Variants in PLA2G4A observed in about 807,000 individuals in gnomAD.
PLA2G4A encodes cytosolic phospholipase A2.
A neutral mutation model predicts 81.9 loss-of-function variants in PLA2G4A; 40 were observed. The ratio of observed to expected loss-of-function variants is 0.49; its 90% CI spans 0.38 to 0.64. The LOEUF (loss-of-function observed/expected upper bound fraction) is 0.64. PLA2G4A is among the 30% of genes least tolerant of loss of function. The probability of loss-of-function intolerance (pLI) is 0.00; values close to 1 mark genes in which losing one functional copy is unlikely to be tolerated. For missense variants in PLA2G4A, 715 were observed against 905.1 expected, an observed-to-expected ratio of 0.79 and a Z score of 2.69; for synonymous variants, 302 against 296.9, an observed-to-expected ratio of 1.02 and a Z score of -0.18.
chr1:186,837,716 G>C (rs1292637550), intron 1 of PLA2G4A, among the ~76,000 whole-genome samples: 1 of 116,262 alleles, frequency 8.6e-6, no homozygotes. Context: ...CAGCCTGGGC[G>C]ACAGAGAGAG....
Position 186,893,003 on chromosome 1 carries a change from A to G in PLA2G4A, c.116-8A>G. ...TACCTCCTTCTTGTTTGTGTTTACT[A>G]TCTGTAGTTGATACTCCAGATCCCT... is the stretch of plus-strand genomic sequence containing the variant. On this transcript the variant is annotated splice_region_variant and splice_polypyrimidine_tract_variant and intron_variant, in intron 3 of 17. Coordinates refer to ENST00000367466, the MANE Select transcript of PLA2G4A (RefSeq NM_024420.3). 6.2e-7 allele frequency: 1 copy of G among 1,600,852 alleles called. No homozygotes were observed. Among genetic ancestry groups the G allele is most frequent in the Non-Finnish European group, 8.6e-7 (1 of 1,167,952 alleles).
At chr1:186,885,464 A>G (rs1420918614) in intron 3 of PLA2G4A, among the ~76,000 whole-genome samples, 1 of 152,186 alleles carries the variant, frequency 6.6e-6, no homozygotes, top group Non-Finnish European at 1.5e-5. Flanking sequence ...TCTGCCTGCC[A>G]GAGAATAAAG....
chr1:186,837,200 T>C (rs999735140), intron 1 of PLA2G4A, among the ~76,000 whole-genome samples: 1 of 152,120 alleles, frequency 6.6e-6, no homozygotes, highest in Non-Finnish European at 1.5e-5. Flanking sequence ...TGATCTTGAT[T>C]AGTGCAGGTT....
chr1:186,842,681 G>A (rs1652031484), intron 1 of PLA2G4A, among the ~76,000 whole-genome samples: 1 of 152,202 alleles, frequency 6.6e-6, no homozygotes. Flanking sequence ...AGGGGAAAGA[G>A]CATGTGAGGA....
At chr1:186,881,826 T>A (rs1211610930) in intron 3 of PLA2G4A, among the ~76,000 whole-genome samples, 1 of 152,054 alleles carries the variant, frequency 6.6e-6, no homozygotes, top group Admixed American at 6.6e-5. Flanking sequence ...AAAGGTGACC[T>A]GTTCCACAGT....
intron 3 of PLA2G4A, among the ~76,000 whole-genome samples, chr1:186,879,399 T>C (rs1216287098): frequency 6.6e-6 from 1 of 152,018 alleles, no homozygotes; most frequent in African/African-American, 2.4e-5. Context: ...AGTACTTATT[T>C]AGTACCTTGA....
chr1:186,923,503 T>C (rs1655437978), intron 7 of PLA2G4A, among the ~76,000 whole-genome samples: 1 of 152,256 alleles, frequency 6.6e-6, no homozygotes, highest in Admixed American at 6.5e-5. Flanking sequence ...CTGAGATGGC[T>C]AGCCCTGAGG....
intron 3 of PLA2G4A, among the ~76,000 whole-genome samples, chr1:186,876,827 C>G (rs2102070758): frequency 6.6e-6 from 1 of 152,170 alleles, no homozygotes; most frequent in Non-Finnish European, 1.5e-5. Context: ...AAAGAAAACC[C>G]AAATGCATAA....
intron 15 of PLA2G4A, among the ~76,000 whole-genome samples, chr1:186,966,765 T>C (rs1025277202): frequency 2.6e-5 from 4 of 152,198 alleles, no homozygotes; most frequent in Non-Finnish European, 5.9e-5. Flanking sequence ...CATATATGGT[T>C]AAAGTGCATA....
chr1:186,909,811 G>A (rs1302687198), intron 6 of PLA2G4A, among the ~76,000 whole-genome samples: 7 of 151,712 alleles, frequency 4.6e-5, no homozygotes, highest in African/African-American at 1.7e-4. Context: ...AAAGTTTTTG[G>A]TTACTTCCCT....
intron 13 of PLA2G4A, among the ~76,000 whole-genome samples, chr1:186,955,864 G>T (rs1345690493): frequency 6.7e-6 from 1 of 149,684 alleles, no homozygotes; most frequent in Non-Finnish European, 1.5e-5. Flanking sequence ...CTCCCGAGTA[G>T]CTGGGACTAG....
Position 186,950,746 on chromosome 1 carries a change from T to A in PLA2G4A, c.1336+18T>A, listed in dbSNP as rs1280174275. ...ACCCAAAGGTGAGTGAGCCGGAAACTTTTCTGGCCCAGATCCATGAGGAAA... is the reference window on the plus strand; with the variant it reads ...ACCCAAAGGTGAGTGAGCCGGAAACATTTCTGGCCCAGATCCATGAGGAAA... On this transcript the variant is annotated intron_variant, in intron 13 of 17. Transcript: ENST00000367466. 6.9e-7 allele frequency: 1 copy of A among 1,439,296 alleles called. No homozygotes were observed. The highest frequency in any genetic ancestry group is 9.8e-7 in the Non-Finnish European group (1 of 1,020,790). The allele number at this position is 1,439,296 out of a possible 1,614,324, so 89.2% of individuals were successfully genotyped here. A position where few individuals can be genotyped will look rare whatever the true frequency, so the allele number is the denominator to read the frequency against.
In PLA2G4A at chr1:186,848,779, G is replaced by T. The variant is rs147076090; in HGVS notation, c.-69-5507G>T. On this transcript the variant is annotated intron_variant, in intron 1 of 17. Coordinates refer to ENST00000367466, the MANE Select transcript of PLA2G4A (RefSeq NM_024420.3). ...TACATACACACAGAAAGGGGGCAGAGAAGGGAGAGAGAGAAACTAGACTTG... is the reference window on the plus strand; with the variant it reads ...TACATACACACAGAAAGGGGGCAGATAAGGGAGAGAGAGAAACTAGACTTG... Among the ~76,000 whole-genome samples, 827 of 151,968 alleles carry T rather than the reference G, an allele frequency of 5.4e-3. 13 individuals are homozygous for T. Among genetic ancestry groups the T allele is most frequent in the African/African-American group, 0.019 (795 of 41,498 alleles).
rs188787976 is a variant in PLA2G4A, at chr1:186,987,692, T to C, written c.2119-685T>C. Among the ~76,000 whole-genome samples the C allele has an allele frequency of 2.6e-5, 4 of 152,352 alleles. No homozygotes were observed. In the East Asian group the frequency reaches 7.7e-4, roughly 29 times the overall value. ...CCAAATTCTAACTAGGTTAACTTCATACCAAAACCAGTGTATGACAGTTGA... is the reference window on the plus strand; with the variant it reads ...CCAAATTCTAACTAGGTTAACTTCACACCAAAACCAGTGTATGACAGTTGA... On this transcript the variant is annotated intron_variant, in intron 17 of 17. Transcript: ENST00000367466.
chr1:186,937,014 G>C (rs1655970463), intron 8 of PLA2G4A, among the ~76,000 whole-genome samples: 1 of 125,812 alleles, frequency 7.9e-6, no homozygotes, highest in African/African-American at 4.0e-5. Flanking sequence ...TAAAAACTGG[G>C]GTGATACTTT....
chr1:186,973,654 A>G (rs1402549208), intron 15 of PLA2G4A, among the ~76,000 whole-genome samples: 1 of 152,224 alleles, frequency 6.6e-6, no homozygotes, highest in African/African-American at 2.4e-5. Context: ...CATCCCTGTG[A>G]ATAACTAACC....
Position 186,940,077 on chromosome 1 carries a change from C to G in PLA2G4A, c.1016C>G (p.Ser339Ter). 1 of 1,585,870 alleles carries G rather than the reference C, an allele frequency of 6.3e-7. No individual in the cohort carries two copies. The highest frequency in any genetic ancestry group is 8.7e-7 in the Non-Finnish European group (1 of 1,154,306). The change falls in exon 10 of 18, where the codon TCA becomes TGA. Residue 339 changes from serine to a stop codon, truncating the protein, a stop_gained. Coordinates refer to ENST00000367466, the MANE Select transcript of PLA2G4A (RefSeq NM_024420.3). LOFTEE classifies it high-confidence loss of function. The part of the protein sequence containing the change: ...FTCLHVKPDV[S>*]ELMFADWVEF... Reference sequence around the variant, plus strand: ...TGTCTTCATGTCAAACCTGACGTTTCAGAGCTGATGTTTGCAGGTATGCTG... The same window carrying G: ...TGTCTTCATGTCAAACCTGACGTTTGAGAGCTGATGTTTGCAGGTATGCTG...
At chr1:186,945,278 C>T (rs575599216) in intron 10 of PLA2G4A, among the ~76,000 whole-genome samples, 5 of 152,140 alleles carry the variant, frequency 3.3e-5, no homozygotes, top group Admixed American at 6.6e-5. Context: ...AAGTGGGATA[C>T]GCAAGACAAA....
At chr1:186,958,232 C>T (rs1557892170) in intron 14 of PLA2G4A, among the ~76,000 whole-genome samples, 2 of 152,106 alleles carry the variant, frequency 1.3e-5, no homozygotes, top group African/African-American at 2.4e-5. Flanking sequence ...CAACAGGATT[C>T]ACTATGTTAT....
Sources: gnomAD v4.1 joint callset for allele counts (sites outside exome capture counted in the v4.1 genomes callset) on GRCh38, gnomAD v4.1.1 for gene constraint, MANE v1.5 for transcripts, NCBI Gene and HGNC (gene_info 2026-07-23, HGNC 2026-07-21) for gene names.